The following ABHD18 variants were observed in gnomAD, a reference collection of about 807,000 sequenced individuals.
ABHD18 encodes the protein cardiolipin-specific deacylase, mitochondrial.
Under a neutral mutation model 65.9 loss-of-function variants are expected in ABHD18, and 55 were observed. The ratio of observed to expected loss-of-function variants is 0.84; its 90% CI spans 0.67 to 1.05. The LOEUF is 1.05. Among genes scored for constraint, ABHD18 ranks in the 50% least tolerant of loss-of-function variants. The pLI, the probability that ABHD18 is intolerant of heterozygous loss-of-function variation, is 0.00. For missense variants in ABHD18, 533 were observed against 558.5 expected (o/e 0.95, Z 0.46); for synonymous variants, 181 against 180.2 (o/e 1.00, Z -0.04).
chr4:128,028,265 G>A lies in ABHD18; in HGVS notation c.802-210G>A, dbSNP rs1757665406. 4.0e-5 allele frequency among the ~76,000 whole-genome samples: 6 copies of A among 150,992 alleles called. No homozygotes were observed. In the South Asian group the frequency reaches 1.2e-3, roughly 31 times the overall value. On this transcript the variant is annotated intron_variant, in intron 10 of 12. Coordinates refer to ENST00000645843, the MANE Select transcript of ABHD18 (RefSeq NM_001358451.3). ...TTTTGTGTCTGGCTTATTCACTTAA[G>A]ATAATGTCTTCAGTGTTCATCCATG... is the stretch of plus-strand genomic sequence containing the variant.
intron 7 of ABHD18, 151 bp from the exon 8 acceptor site, chr4:128,017,212 C>G: frequency 1.4e-6 from 1 of 709,474 alleles, no homozygotes; most frequent in Non-Finnish European, 2.3e-6. Context: ...GCCATCACGC[C>G]TGGCCCTAAT....
chr4:127,969,712 A>G (rs2149033569), intron 1 of ABHD18, among the ~76,000 whole-genome samples: 1 of 150,984 alleles, frequency 6.6e-6, no homozygotes, highest in East Asian at 2.0e-4. Context: ...TGAGCAGTAT[A>G]TTACTTTTCT....
At chr4:128,029,356 A>G (rs928443910) in intron 11 of ABHD18, among the ~76,000 whole-genome samples, 1 of 151,774 alleles carries the variant, frequency 6.6e-6, no homozygotes, top group African/African-American at 2.4e-5. Context: ...AGACTCTCAC[A>G]CACACACACA....
At chr4:128,022,152 A>T (rs1756600476) in intron 10 of ABHD18, among the ~76,000 whole-genome samples, 1 of 152,204 alleles carries the variant, frequency 6.6e-6, no homozygotes, top group African/African-American at 2.4e-5. Flanking sequence ...TAGGTGCAGC[A>T]AGCCAACATG....
At chr4:128,028,428 A>G (rs1441269158) in intron 10 of ABHD18, 47 bp from the exon 11 acceptor site, 1 of 1,345,800 alleles carries the variant, frequency 7.4e-7, no homozygotes, top group Non-Finnish European at 9.7e-7. Context: ...AGCTGTTAAT[A>G]CCCTATTTTA....
At position 127,983,971 on chromosome 4, in the gene ABHD18, A is replaced by G. The variant is rs538166518; in HGVS notation, c.93-368A>G. Among the ~76,000 whole-genome samples the G allele has an allele frequency of 1.1e-3, 170 of 152,052 alleles. 2 individuals carry two copies. The highest frequency in any genetic ancestry group is 4.0e-3 in the African/African-American group (165 of 41,468). On this transcript the variant is annotated intron_variant, in intron 2 of 12. Coordinates refer to ENST00000645843, the MANE Select transcript of ABHD18 (RefSeq NM_001358451.3). ...GGAGAATTGCTTGAACCCGGGAGGC[A>G]GAGGTTGCAGTGAGCTGAGATTGCG...
At chr4:128,020,217 A>G (rs1756256789) in intron 9 of ABHD18, 48 bp downstream of exon 9, 1 of 1,485,796 alleles carries the variant, frequency 6.7e-7, no homozygotes, top group South Asian at 1.2e-5. Context: ...AATTAGAGGT[A>G]ATTGTTTTGG....
intron 10 of ABHD18, among the ~76,000 whole-genome samples, chr4:128,027,697 C>G (rs1374846448): frequency 6.6e-6 from 1 of 152,158 alleles, no homozygotes; most frequent in Non-Finnish European, 1.5e-5. Flanking sequence ...AGCCACCGCG[C>G]CTGGCCAGTA....
At chr4:128,015,083 A>G (rs1003332708) in intron 7 of ABHD18, among the ~76,000 whole-genome samples, 5 of 151,732 alleles carry the variant, frequency 3.3e-5, no homozygotes, top group Admixed American at 1.3e-4. Flanking sequence ...ATCTAAAAAA[A>G]AAAAAAAAAA....
At chr4:128,018,881 GCAC>G (rs1308926058) in intron 8 of ABHD18, among the ~76,000 whole-genome samples, 4 of 151,900 alleles carry the variant, frequency 2.6e-5, no homozygotes, top group Non-Finnish European at 5.9e-5. Context: ...GGGTGTGGTG[GCAC>G]GTGCCTGTAA....
chr4:128,033,763 C>A (rs1487412031), intron 12 of ABHD18, among the ~76,000 whole-genome samples: 1 of 151,498 alleles, frequency 6.6e-6, no homozygotes, highest in Admixed American at 6.6e-5. Context: ...GTCTCGATCT[C>A]CTGACCTCGT....
intron 12 of ABHD18, among the ~76,000 whole-genome samples, chr4:128,033,959 C>CTTTTTTTTT (rs996416880): frequency 3.2e-5 from 4 of 123,438 alleles, no homozygotes; most frequent in Non-Finnish European, 5.2e-5. Context: ...TTTCTTTTTT[C>CTTTTTTTTT]TTTTTTTTTT....
chr4:128,016,849 G>C (rs978680283), intron 7 of ABHD18, among the ~76,000 whole-genome samples: 1 of 152,126 alleles, frequency 6.6e-6, no homozygotes, highest in East Asian at 1.9e-4. Flanking sequence ...TATAGAACAG[G>C]AACACTTTTT....
intron 3 of ABHD18, among the ~76,000 whole-genome samples, chr4:127,987,851 T>C: frequency 6.6e-6 from 1 of 152,298 alleles, no homozygotes; most frequent in Non-Finnish European, 1.5e-5. Context: ...TTTTTTAAAA[T>C]GCAATGCAAT....
At chr4:127,968,108 G>C (rs982698133) in intron 1 of ABHD18, among the ~76,000 whole-genome samples, 1 of 152,220 alleles carries the variant, frequency 6.6e-6, no homozygotes, top group African/African-American at 2.4e-5. Context: ...ACTCGGAGAG[G>C]CTGAGGCAGG....
intron 1 of ABHD18, among the ~76,000 whole-genome samples, chr4:127,972,473 T>A (rs1056946983): frequency 6.6e-6 from 1 of 151,026 alleles, no homozygotes; most frequent in African/African-American, 2.4e-5. Flanking sequence ...ATACCAGGGG[T>A]TTTAGAAACT....
At chr4:128,022,504 C>T (rs1041815920) in intron 10 of ABHD18, among the ~76,000 whole-genome samples, 9 of 152,150 alleles carry the variant, frequency 5.9e-5, no homozygotes, top group African/African-American at 2.2e-4. Context: ...ATCTGATTAT[C>T]TCTTTTTTTA....
intron 1 of ABHD18, among the ~76,000 whole-genome samples, chr4:127,979,381 C>T (rs1428859482): frequency 1.3e-5 from 2 of 151,996 alleles, no homozygotes; most frequent in Non-Finnish European, 2.9e-5. Context: ...TGGTGAAACC[C>T]CGTCTCTACT....
chr4:128,013,584 G>C (rs1303998976), intron 7 of ABHD18, among the ~76,000 whole-genome samples: 1 of 151,938 alleles, frequency 6.6e-6, no homozygotes, highest in East Asian at 1.9e-4. Flanking sequence ...TGTAGTCCCA[G>C]CTACTCAGGA....
Sources: allele counts gnomAD v4.1 joint callset (sites outside exome capture counted in the v4.1 genomes callset), GRCh38; gene constraint gnomAD v4.1.1; transcripts MANE v1.5; gene names NCBI Gene and HGNC (gene_info 2026-07-23, HGNC 2026-07-21).